The following NTRK3 variants were observed in gnomAD, a reference collection of about 807,000 sequenced individuals.
NTRK3 encodes neurotrophic receptor tyrosine kinase 3.
A neutral mutation model predicts 91.7 loss-of-function variants in NTRK3; 24 were observed. That is an observed-to-expected ratio of 0.26 (90% CI 0.19 to 0.37). The LOEUF (loss-of-function observed/expected upper bound fraction) is 0.37, where lower values mean the gene tolerates loss of function less well. Ranked by LOEUF, NTRK3 falls within the 10% of genes least tolerant of loss-of-function variation. The pLI, the probability that NTRK3 is intolerant of heterozygous loss-of-function variation, is 1.00. For missense variants in NTRK3, 880 were observed against 1,068.9 expected (o/e 0.82, Z 2.46); for synonymous variants, 483 against 404.0 (o/e 1.20, Z -2.34).
intron 13 of NTRK3, among the ~76,000 whole-genome samples, chr15:88,112,106 C>T (rs2051459827): frequency 1.3e-5 from 2 of 152,190 alleles, no homozygotes; most frequent in South Asian, 4.2e-4. Flanking sequence ...CAGGGTTTCA[C>T]AATGTTAGCC....
At chr15:88,048,486 C>A (rs1275083079) in intron 13 of NTRK3, among the ~76,000 whole-genome samples, 7 of 152,284 alleles carry the variant, frequency 4.6e-5, no homozygotes, top group Non-Finnish European at 8.8e-5. Flanking sequence ...ACATTCCCCA[C>A]AGAGATGTAG....
exon 19 of NTRK3, chr15:87,876,864 G>A (rs1488693787): frequency 2.0e-6 from 3 of 1,534,812 alleles, no homozygotes; most frequent in South Asian, 2.2e-5. Flanking sequence ...AAGGAGTTGT[G>A]AGGTGGAAGG....
At chr15:88,135,549 G>A in intron 9 of NTRK3, 152 bp from the exon 10 acceptor site, 3 of 928,568 alleles carry the variant, frequency 3.2e-6, no homozygotes, top group East Asian at 2.6e-5. Flanking sequence ...CCCAGCAGAG[G>A]GGAAGAGATG....
At chr15:87,978,883 G>A (rs746329362) in intron 14 of NTRK3, 14 of 265,902 alleles carry the variant, frequency 5.3e-5, no homozygotes, top group Admixed American at 1.4e-4. Flanking sequence ...GCAGGGCGAC[G>A]AGGTCACTAA....
intron 14 of NTRK3, among the ~76,000 whole-genome samples, chr15:87,995,531 T>A (rs904691520): frequency 2.0e-5 from 3 of 151,306 alleles, no homozygotes; most frequent in African/African-American, 7.3e-5. Flanking sequence ...GTGCAAGGAG[T>A]TCCTATTAAT....
At chr15:88,084,605 T>G (rs972562292) in intron 13 of NTRK3, among the ~76,000 whole-genome samples, 1 of 152,200 alleles carries the variant, frequency 6.6e-6, no homozygotes, top group Non-Finnish European at 1.5e-5. Flanking sequence ...GCCAGAGAGC[T>G]GGAAGAATGA....
intron 14 of NTRK3, among the ~76,000 whole-genome samples, chr15:87,994,936 G>A (rs976666103): frequency 6.6e-6 from 1 of 152,190 alleles, no homozygotes; most frequent in Admixed American, 6.5e-5. Flanking sequence ...GATAAATGAA[G>A]ATGACAGATG....
intron 14 of NTRK3, among the ~76,000 whole-genome samples, chr15:87,966,027 G>A (rs985127684): frequency 7.3e-5 from 11 of 151,122 alleles, no homozygotes; most frequent in East Asian, 2.0e-4. Context: ...GCAGTGAGCC[G>A]AGATCACACC....
intron 13 of NTRK3, among the ~76,000 whole-genome samples, chr15:88,105,995 C>CAG (rs1567417064): frequency 1.3e-5 from 2 of 152,252 alleles, no homozygotes; most frequent in African/African-American, 4.8e-5. Context: ...CACCCGTAGT[C>CAG]ACTGCTTTCC....
intron 3 of NTRK3, among the ~76,000 whole-genome samples, chr15:88,242,167 G>A (rs544744578): frequency 1.8e-4 from 28 of 152,298 alleles, no homozygotes; most frequent in African/African-American, 6.7e-4. Context: ...GCTTCCTGGG[G>A]TCACCTTCCA....
At chr15:88,120,286 G>C (rs572992521) in intron 13 of NTRK3, among the ~76,000 whole-genome samples, 1 of 152,188 alleles carries the variant, frequency 6.6e-6, no homozygotes, top group Non-Finnish European at 1.5e-5. Context: ...TCAGAGGACA[G>C]TTACCATCTG....
intron 5 of NTRK3, among the ~76,000 whole-genome samples, chr15:88,181,416 C>T (rs1105442): frequency 0.24 from 37,175 of 151,994 alleles, 4,828 homozygotes; most frequent in African/African-American, 0.31. Flanking sequence ...TCTGGTACAA[C>T]CCACTTCAGA....
chr15:87,884,267 T>C (rs1446945964), intron 17 of NTRK3, among the ~76,000 whole-genome samples: 1 of 151,586 alleles, frequency 6.6e-6, no homozygotes, highest in Non-Finnish European at 1.5e-5. Flanking sequence ...CATGCATTAT[T>C]GGTTTACTAA....
chr15:87,972,176 G>A (rs1252420215), intron 14 of NTRK3, among the ~76,000 whole-genome samples: 5 of 152,140 alleles, frequency 3.3e-5, no homozygotes, highest in South Asian at 2.1e-4. Context: ...CTCCAGTGAG[G>A]TCTCCAAAGG....
chr15:88,204,350 C>A (rs2048558294), intron 3 of NTRK3, among the ~76,000 whole-genome samples: 1 of 152,038 alleles, frequency 6.6e-6, no homozygotes, highest in Non-Finnish European at 1.5e-5. Context: ...AAAAGTCTTG[C>A]CTATTTCACA....
intron 13 of NTRK3, among the ~76,000 whole-genome samples, chr15:88,110,710 A>C (rs1358930757): frequency 6.6e-6 from 1 of 152,166 alleles, no homozygotes; most frequent in Non-Finnish European, 1.5e-5. Flanking sequence ...AGTCTTAGGG[A>C]GCATGGAACA....
Position 88,040,219 on chromosome 15 carries a change from T to C in NTRK3, c.1397-7174A>G, listed in dbSNP as rs193204734. 2.3e-3 allele frequency among the ~76,000 whole-genome samples: 352 copies of C among 152,320 alleles called. 3 individuals are homozygous for C. Among genetic ancestry groups the C allele is most frequent in the African/African-American group, 7.9e-3 (329 of 41,568 alleles). ...TTTGAAGAGGAATCTCTATTTTACT[T>C]TTTACACAGAGAAAGCAAAACTTTC... On this transcript the variant is annotated intron_variant, in intron 13 of 18. Transcript: ENST00000394480.
chr15:87,929,120 A>G (rs985292535), intron 17 of NTRK3, 71 bp downstream of exon 17: 3 of 1,611,970 alleles, frequency 1.9e-6, no homozygotes, highest in Admixed American at 1.7e-5. Context: ...GGGTTAATGG[A>G]CAATGAAAAA....
chr15:87,895,675 C>A (rs8036063), intron 17 of NTRK3, among the ~76,000 whole-genome samples: 2 of 151,512 alleles, frequency 1.3e-5, no homozygotes, highest in Non-Finnish European at 2.9e-5. Flanking sequence ...GCCAGGCACC[C>A]TTTTAGGTCT....
Sources: gnomAD v4.1 joint callset for allele counts (sites outside exome capture counted in the v4.1 genomes callset) on GRCh38, gnomAD v4.1.1 for gene constraint, MANE v1.5 for transcripts, NCBI Gene and HGNC (gene_info 2026-07-23, HGNC 2026-07-21) for gene names.